The following RAB11B variants were observed in gnomAD, a reference collection of about 807,000 sequenced individuals.
The protein encoded by RAB11B is ras-related protein Rab-11B.
RAB11B carries 7 observed loss-of-function variants against 23.7 expected under a neutral mutation model. That is an observed-to-expected ratio of 0.29 (90% confidence interval 0.17 to 0.55). The LOEUF is 0.55. Among genes scored for constraint, RAB11B ranks in the 20% least tolerant of loss-of-function variants. The pLI, the probability that RAB11B is intolerant of heterozygous loss-of-function variation, is 0.93. For synonymous variants in RAB11B, 138 were observed against 132.0 expected, an observed-to-expected ratio of 1.05 and a Z score of -0.31; for missense variants, 189 against 320.0, an observed-to-expected ratio of 0.59 and a Z score of 3.12.
Position 8,396,670 on chromosome 19 carries a change from G to T in RAB11B, c.41-3193G>T, listed in dbSNP as rs1039128614. Among the ~76,000 whole-genome samples the T allele has an allele frequency of 7.0e-6, 1 of 141,912 alleles. No homozygotes were observed. Among genetic ancestry groups the T allele is most frequent in the African/African-American group, 2.6e-5 (1 of 38,962 alleles). 93.1% of individuals were successfully genotyped at this position (141,912 alleles called of 152,430 possible). On this transcript the variant is annotated intron_variant, in intron 1 of 4. Transcript: ENST00000328024. The surrounding 1 kb of genome is among the most constrained non-coding windows in gnomAD (Gnocchi z 5.0). ...CAGGATCGCACCTGGCGTGTTGGGG[G>T]AACAGCATGGAGGCCTGTGTGGCTG...
At position 8,403,614 on chromosome 19, in the gene RAB11B, A is replaced by G. The variant is rs2145514507; in HGVS notation, c.*56A>G. 1 of 1,567,448 alleles carries G rather than the reference A, an allele frequency of 6.4e-7. No individual in the cohort carries two copies. The highest frequency in any genetic ancestry group is 8.7e-7 in the Non-Finnish European group (1 of 1,153,538). ...GTCCTCCGCCCGCCCCCGCCACGGT[A>G]TCCTCTGGCCCCTCCCTGCTGTCCC... On this transcript the variant is annotated 3_prime_UTR_variant, in exon 5 of 5. Transcript: ENST00000328024.
chr19:8,399,745 G>C (rs538833845), intron 1 of RAB11B, 118 bp from the exon 2 acceptor site: 6 of 1,163,434 alleles, frequency 5.2e-6, no homozygotes, highest in South Asian at 4.4e-5. Flanking sequence ...GGCATCTCTC[G>C]ACTCCTCCAC....
Position 8,390,386 on chromosome 19 carries a change from A to T in RAB11B, c.-31A>T, listed in dbSNP as rs539864495. The T allele has an allele frequency of 1.1e-5, 17 of 1,526,032 alleles. No homozygotes were observed. The highest frequency in any genetic ancestry group is 1.5e-5 in the Non-Finnish European group (17 of 1,140,690). 94.5% of individuals were successfully genotyped at this position (1,526,032 alleles called of 1,614,324 possible). ...TCGGGTGTTTGTGGTGGGGCTGCGGAGTCGCCGATCCCGCCGGAAGCGCCA... is the reference window on the plus strand; with the variant it reads ...TCGGGTGTTTGTGGTGGGGCTGCGGTGTCGCCGATCCCGCCGGAAGCGCCA... On this transcript the variant is annotated 5_prime_UTR_variant, in exon 1 of 5. Coordinates refer to ENST00000328024, the MANE Select transcript of RAB11B (RefSeq NM_004218.4).
intron 1 of RAB11B, among the ~76,000 whole-genome samples, chr19:8,392,875 C>T (rs60234160): frequency 0.1 from 15,398 of 151,362 alleles, 1,760 homozygotes; most frequent in African/African-American, 0.29. Flanking sequence ...TTAGTAGATA[C>T]GGGGTTTCAC....
intron 1 of RAB11B, among the ~76,000 whole-genome samples, chr19:8,395,116 G>A (rs746323311): frequency 1.1e-4 from 17 of 152,158 alleles, no homozygotes; most frequent in Non-Finnish European, 2.5e-4. Flanking sequence ...CGTAGCTGCC[G>A]TGGAAAGGAG....
At chr19:8,390,507 G>C in intron 1 of RAB11B, 51 bp downstream of exon 1, 2 of 1,467,530 alleles carry the variant, frequency 1.4e-6, no homozygotes. Flanking sequence ...GAGGCGGCGG[G>C]CAGACGGGCC....
chr19:8,400,112 A>G, intron 2 of RAB11B, 54 bp downstream of exon 2: 3 of 1,581,018 alleles, frequency 1.9e-6, no homozygotes, highest in South Asian at 2.2e-5. Flanking sequence ...GTGGGCTTGC[A>G]GCGCGTGGGC....
intron 1 of RAB11B, among the ~76,000 whole-genome samples, chr19:8,391,309 G>A (rs1971350807): frequency 6.6e-6 from 1 of 152,216 alleles, no homozygotes; most frequent in Non-Finnish European, 1.5e-5. Context: ...TACCACTTAG[G>A]AAGCGTGTCT....
intron 2 of RAB11B, among the ~76,000 whole-genome samples, chr19:8,401,042 CCACCATGCCTGG>C (rs946196469): frequency 3.3e-5 from 5 of 152,128 alleles, no homozygotes; most frequent in African/African-American, 1.2e-4. Context: ...CAGGCCTGTG[CCACCATGCCTGG>C]CTAATTTAAT....
chr19:8,397,952 G>A (rs548007635), intron 1 of RAB11B, among the ~76,000 whole-genome samples: 1 of 152,274 alleles, frequency 6.6e-6, no homozygotes, highest in African/African-American at 2.4e-5. Flanking sequence ...AGGTGCCGGG[G>A]CCCAAGGCCC....
At chr19:8,391,072 G>A (rs1055983806) in intron 1 of RAB11B, among the ~76,000 whole-genome samples, 3 of 152,170 alleles carry the variant, frequency 2.0e-5, no homozygotes, top group African/African-American at 7.2e-5. Flanking sequence ...GCACCCGTGT[G>A]TGCAGCAAGA....
intron 1 of RAB11B, among the ~76,000 whole-genome samples, chr19:8,395,625 T>G (rs1308669878): frequency 2.6e-5 from 4 of 152,178 alleles, no homozygotes; most frequent in Admixed American, 1.3e-4. Flanking sequence ...CGTGAGAGAA[T>G]GCCAGCCCCG....
intron 4 of RAB11B, chr19:8,403,014 G>A (rs914027759): frequency 1.2e-5 from 4 of 324,778 alleles, no homozygotes; most frequent in South Asian, 9.2e-5. Context: ...TAAACCTGCC[G>A]GTCCACCTGG....
At chr19:8,399,758 C>T (rs928869669) in intron 1 of RAB11B, 105 bp from the exon 2 acceptor site, 69 of 1,317,084 alleles carry the variant, frequency 5.2e-5, no homozygotes, top group Middle Eastern at 4.2e-4. Flanking sequence ...TCCTCCACAC[C>T]GTTGGCAGCC....
chr19:8,398,852 G>A (rs1971416012), intron 1 of RAB11B, among the ~76,000 whole-genome samples: 1 of 152,064 alleles, frequency 6.6e-6, no homozygotes, highest in Non-Finnish European at 1.5e-5. Flanking sequence ...TTCGATCTCG[G>A]CTCACTGCAG....
intron 1 of RAB11B, among the ~76,000 whole-genome samples, chr19:8,395,279 T>C (rs573849527): frequency 9.1e-4 from 135 of 148,698 alleles, no homozygotes; most frequent in Non-Finnish European, 1.5e-3. Context: ...TTCTTTTTTT[T>C]TTTTTTTTTT....
rs1437834579 is a variant in RAB11B, at chr19:8,403,567, C to T, written c.*9C>T. 6.2e-7 allele frequency: 1 copy of T among 1,608,704 alleles called. No individual in the cohort carries two copies. The highest frequency in any genetic ancestry group is 1.7e-5 in the Admixed American group (1 of 59,768). ...GCTGCCAGAACCTGTGACCCCTGCG[C>T]CTCCACCCAGCGTGCGTGCACGTCC... On this transcript the variant is annotated 3_prime_UTR_variant, in exon 5 of 5. Transcript: ENST00000328024.
At chr19:8,395,137 G>C (rs1705317932) in intron 1 of RAB11B, among the ~76,000 whole-genome samples, 1 of 152,194 alleles carries the variant, frequency 6.6e-6, no homozygotes, top group African/African-American at 2.4e-5. Flanking sequence ...GTTAAGGTTG[G>C]TGGTGTAGAT....
rs72996770 is a variant in RAB11B at position 8,401,925 on chromosome 19, T to G, written c.237-161T>G. Among the ~76,000 whole-genome samples the G allele has an allele frequency of 1.2e-3, 183 of 152,346 alleles. 1 individual carries two copies. The highest frequency in any genetic ancestry group is 2.4e-3 in the Non-Finnish European group (162 of 68,030). ...CAGAGCTGGATCCAGGGAGCAGCGCTGGGGCCTCCAGACACACACCCTTCC... is the reference window on the plus strand; with the variant it reads ...CAGAGCTGGATCCAGGGAGCAGCGCGGGGGCCTCCAGACACACACCCTTCC... On this transcript the variant is annotated intron_variant, in intron 2 of 4. Transcript: ENST00000328024.
Sources: gnomAD v4.1 joint callset for allele counts (sites outside exome capture counted in the v4.1 genomes callset) on GRCh38, gnomAD v4.1.1 for gene constraint, Gnocchi (gnomAD v3.1) non-coding constraint, MANE v1.5 for transcripts, NCBI Gene and HGNC (gene_info 2026-07-23, HGNC 2026-07-21) for gene names.